The following IMMP2L variants were observed in gnomAD, a reference collection of about 807,000 sequenced individuals.
The protein encoded by IMMP2L is mitochondrial inner membrane protease subunit 2.
In IMMP2L, 18 loss-of-function variants were observed where a neutral mutation model predicts 19.3. The ratio of observed to expected loss-of-function variants is 0.93; its 90% CI spans 0.64 to 1.38. The LOEUF (loss-of-function observed/expected upper bound fraction) is 1.38. Ranked by LOEUF, IMMP2L falls within the 40% of genes most tolerant of loss-of-function variation. IMMP2L has a pLI of 0.00. For missense variants in IMMP2L, 233 were observed against 218.2 expected (o/e 1.07, Z -0.43); for synonymous variants, 76 against 73.0 (o/e 1.04, Z -0.21).
intron 4 of IMMP2L, among the ~76,000 whole-genome samples, chr7:110,909,361 G>A (rs1812793563): frequency 6.6e-6 from 1 of 152,110 alleles, no homozygotes; most frequent in Non-Finnish European, 1.5e-5. Context: ...AGAGACATGA[G>A]TTCATTTTAC....
chr7:110,747,313 C>A (rs553838107), intron 5 of IMMP2L, among the ~76,000 whole-genome samples: 6 of 152,206 alleles, frequency 3.9e-5, no homozygotes, highest in African/African-American at 1.4e-4. Context: ...CCGAATTCTA[C>A]CAGAGGTACA....
At chr7:110,881,949 C>T (rs568580691) in intron 5 of IMMP2L, among the ~76,000 whole-genome samples, 3 of 152,294 alleles carry the variant, frequency 2.0e-5, no homozygotes, top group African/African-American at 7.2e-5. Flanking sequence ...CATGGGTTTT[C>T]ATACACAAAT....
rs183998806 is a variant in IMMP2L at position 110,728,656 on chromosome 7, T to C, written c.409-64935A>G. ...AACCAACAAACCCAAATATTGCCAC[T>C]GATCCCCCTCCTATGCAAAGGACAG... On this transcript the variant is annotated intron_variant, in intron 5 of 5. Transcript: ENST00000405709. This position sits in a 1 kb window ranked among gnomAD's most constrained non-coding sequence, Gnocchi z 4.6. Among the ~76,000 whole-genome samples, 424 of 152,294 alleles carry C rather than the reference T, an allele frequency of 2.8e-3. 4 individuals are homozygous for C. Among genetic ancestry groups the C allele is most frequent in the African/African-American group, 9.6e-3 (399 of 41,580 alleles).
chr7:111,221,541 A>G (rs1315838399), intron 3 of IMMP2L, among the ~76,000 whole-genome samples: 1 of 151,992 alleles, frequency 6.6e-6, no homozygotes, highest in African/African-American at 2.4e-5. Flanking sequence ...ACGTGAGCCT[A>G]TACACACTAG....
At chr7:110,665,305 ACTT>A (rs1420906568) in intron 5 of IMMP2L, among the ~76,000 whole-genome samples, 1 of 152,196 alleles carries the variant, frequency 6.6e-6, no homozygotes, top group Non-Finnish European at 1.5e-5. Flanking sequence ...GTACACAGCT[ACTT>A]CTTCTAAACT....
At chr7:111,020,610 A>T (rs901835597) in intron 3 of IMMP2L, among the ~76,000 whole-genome samples, 16 of 151,968 alleles carry the variant, frequency 1.1e-4, no homozygotes, top group Admixed American at 1.0e-3. Flanking sequence ...AAAAACACAA[A>T]ATTTAGCAGG....
Position 111,399,229 on chromosome 7 carries a change from C to T in IMMP2L, c.239+88009G>A, listed in dbSNP as rs545690211. Among the ~76,000 whole-genome samples the T allele has an allele frequency of 7.1e-4, 108 of 152,248 alleles. 3 individuals carry two copies. The highest frequency in any genetic ancestry group is 3.4e-3 in the Middle Eastern group (1 of 294). On this transcript the variant is annotated intron_variant, in intron 3 of 5. Coordinates refer to ENST00000405709, the MANE Select transcript of IMMP2L (RefSeq NM_032549.4). ...AGGCATCACACTACCTGATTTCAAA[C>T]TATACTGTAAGGCCATAGTCATCAA...
At chr7:111,005,813 T>C (rs1824225107) in intron 3 of IMMP2L, among the ~76,000 whole-genome samples, 1 of 152,184 alleles carries the variant, frequency 6.6e-6, no homozygotes, top group African/African-American at 2.4e-5. Context: ...CTGTTCTAAA[T>C]GGGTCTTCAA....
chr7:111,331,270 T>C (rs1164269484), intron 3 of IMMP2L, among the ~76,000 whole-genome samples: 1 of 151,972 alleles, frequency 6.6e-6, no homozygotes, highest in Non-Finnish European at 1.5e-5. Context: ...TTCTGTCATT[T>C]GTAGCAGCAT....
rs540752372 is a variant in IMMP2L at position 111,123,557 on chromosome 7, T to G, written c.240-159992A>C. The G allele has an allele frequency of 6.2e-7, 1 of 1,613,750 alleles. No homozygotes were observed. Among genetic ancestry groups the G allele is most frequent in the African/African-American group, 1.3e-5 (1 of 75,024 alleles). ...GTTGCTCTTCAAAAAGTTGTAAATC[T>G]CAAATTTTTGGATCTAAATAAAAAT... On this transcript the variant is annotated intron_variant, in intron 3 of 5. Transcript: ENST00000405709. The surrounding 1 kb of genome is among the most constrained non-coding windows in gnomAD (Gnocchi z 6.4).
chr7:111,416,261 A>G (rs1215930452), intron 3 of IMMP2L, among the ~76,000 whole-genome samples: 1 of 151,866 alleles, frequency 6.6e-6, no homozygotes, highest in African/African-American at 2.4e-5. Flanking sequence ...TCCCCGTGCT[A>G]GGCATACAAT....
intron 4 of IMMP2L, among the ~76,000 whole-genome samples, chr7:110,958,381 G>C (rs1349335608): frequency 6.6e-6 from 1 of 151,964 alleles, no homozygotes; most frequent in Non-Finnish European, 1.5e-5. Flanking sequence ...TGTGTGCAAG[G>C]ATGTTCATTA....
chr7:111,349,176 T>C (rs1222444057), intron 3 of IMMP2L, among the ~76,000 whole-genome samples: 4 of 152,146 alleles, frequency 2.6e-5, no homozygotes, highest in Non-Finnish European at 4.4e-5. Flanking sequence ...AATCAGAACA[T>C]AGGATTGCTA....
At chr7:111,092,372 T>C (rs774090519) in intron 3 of IMMP2L, among the ~76,000 whole-genome samples, 2 of 152,332 alleles carry the variant, frequency 1.3e-5, no homozygotes, top group African/African-American at 4.8e-5. Flanking sequence ...CCCTTTGCTG[T>C]TGTTGAGCTG....
In IMMP2L at chr7:111,148,094, T is replaced by C. The variant is rs188900954; in HGVS notation, c.240-184529A>G. Reference sequence around the variant, plus strand: ...AACATTATTCATATCAGGCAAAAAATAGAAGCAGCCCAAGTTTTCATCATC... The same window carrying C: ...AACATTATTCATATCAGGCAAAAAACAGAAGCAGCCCAAGTTTTCATCATC... On this transcript the variant is annotated intron_variant, in intron 3 of 5. Transcript: ENST00000405709. Among the ~76,000 whole-genome samples the C allele has an allele frequency of 5.3e-5, 8 of 152,128 alleles. No individual in the cohort carries two copies. The South Asian group carries it at 8.3e-4, about 16-fold the overall frequency.
At chr7:111,477,236 A>G (rs1024964707) in intron 3 of IMMP2L, among the ~76,000 whole-genome samples, 6 of 152,112 alleles carry the variant, frequency 3.9e-5, no homozygotes, top group Non-Finnish European at 5.9e-5. Context: ...CCCCTCTACC[A>G]ACCACCAGGG....
intron 3 of IMMP2L, among the ~76,000 whole-genome samples, chr7:111,151,684 A>C (rs944449707): frequency 6.6e-6 from 1 of 152,188 alleles, no homozygotes; most frequent in Non-Finnish European, 1.5e-5. Context: ...CACGCCTCTA[A>C]CACCACCATG....
At chr7:111,121,138 G>A (rs558145296) in intron 3 of IMMP2L, among the ~76,000 whole-genome samples, 3 of 152,276 alleles carry the variant, frequency 2.0e-5, no homozygotes, top group African/African-American at 7.2e-5. Flanking sequence ...AAATTTCTCA[G>A]CCTGCCCAAT....
At chr7:111,436,957 C>A (rs1321804561) in intron 3 of IMMP2L, among the ~76,000 whole-genome samples, 1 of 151,620 alleles carries the variant, frequency 6.6e-6, no homozygotes, top group African/African-American at 2.4e-5. Context: ...GAACTTAGAG[C>A]AAGAACTCAC....
Sources: allele counts gnomAD v4.1 joint callset (sites outside exome capture counted in the v4.1 genomes callset), GRCh38; gene constraint gnomAD v4.1.1; non-coding constraint Gnocchi (gnomAD v3.1); transcripts MANE v1.5; gene names NCBI Gene and HGNC (gene_info 2026-07-23, HGNC 2026-07-21).